Variants in FBN1 observed in about 807,000 individuals in gnomAD.
The protein encoded by FBN1 is fibrillin 1, also known as fibrillin-1.
In FBN1, 29 loss-of-function variants were observed where a neutral mutation model predicts 365.1. That is an observed-to-expected ratio of 0.08 (90% CI 0.06 to 0.11). The LOEUF is 0.11. Ranked by LOEUF, FBN1 falls within the 10% of genes least tolerant of loss-of-function variation. FBN1 has a pLI of 1.00. For synonymous variants in FBN1, 1,210 were observed against 1,270.5 expected (o/e 0.95, Z 1.01); for missense variants, 2,476 against 3,703.2 (o/e 0.67, Z 8.60).
At chr15:48,477,091 A>T (rs1597555828) in intron 32 of FBN1, among the ~76,000 whole-genome samples, 1 of 152,088 alleles carries the variant, frequency 6.6e-6, no homozygotes, top group African/African-American at 2.4e-5. Flanking sequence ...GTAATTCTGT[A>T]ATCTTTTTCT....
At chr15:48,493,413 A>T (rs1342020343) in intron 23 of FBN1, among the ~76,000 whole-genome samples, 2 of 152,226 alleles carry the variant, frequency 1.3e-5, no homozygotes, top group Admixed American at 1.3e-4. Flanking sequence ...TTGAAAAAAT[A>T]TTCTGAATCT....
intron 6 of FBN1, among the ~76,000 whole-genome samples, chr15:48,549,552 C>A (rs1348986143): frequency 1.2e-4 from 19 of 152,186 alleles, no homozygotes. Context: ...TACAGTAAAT[C>A]CCCTCTTCTG....
intron 12 of FBN1, among the ~76,000 whole-genome samples, chr15:48,514,451 T>C (rs1242830980): frequency 6.6e-6 from 1 of 152,214 alleles, no homozygotes; most frequent in Non-Finnish European, 1.5e-5. Flanking sequence ...GAACTCATCA[T>C]TTCTGACAAA....
intron 15 of FBN1, among the ~76,000 whole-genome samples, chr15:48,505,659 CACAGAAAAAGA>C (rs1357673651): frequency 1.3e-5 from 2 of 152,148 alleles, no homozygotes; most frequent in Non-Finnish European, 2.9e-5. Context: ...GATGGAACAC[CACAGAAAAAGA>C]ACAGAAAATG....
Position 48,411,015 on chromosome 15 carries a change from A to G in FBN1, c.8591T>C (p.Met2864Thr), listed in dbSNP as rs1060501028. Residue 2864 changes from methionine to threonine, a missense_variant, in exon 66 of 66, where the codon ATG becomes ACG. Physicochemically the swap from Met to Thr is moderately conservative, Grantham distance 81. Around this residue, in one of 5 missense-constraint regions of FBN1, gnomAD observed 177 missense variants for 192.7 expected, o/e 0.92. Transcript: ENST00000316623. ...TTAATGAAGCAAAACCTGGATTTTC[A>G]TCTTCAGATTATCACCCAGTTCACC... ...LSGELGDNLK[M>T]KIQVLLH 6.2e-7 allele frequency: 1 copy of G among 1,613,786 alleles called. No homozygotes were observed. Among genetic ancestry groups the G allele is most frequent in the Non-Finnish European group, 8.5e-7 (1 of 1,179,982 alleles).
chr15:48,628,641 C>T (rs1448112099), intron 2 of FBN1, among the ~76,000 whole-genome samples: 1 of 152,154 alleles, frequency 6.6e-6, no homozygotes, highest in African/African-American at 2.4e-5. Context: ...AATTTTTCTA[C>T]AACAAAGTCG....
chr15:48,521,280 A>G (rs1354209712), intron 9 of FBN1, among the ~76,000 whole-genome samples: 2 of 152,112 alleles, frequency 1.3e-5, no homozygotes, highest in Non-Finnish European at 2.9e-5. Flanking sequence ...GATCTTTCTT[A>G]TTTTCCAGTC....
chr15:48,426,298 ATAAG>A, intron 58 of FBN1, among the ~76,000 whole-genome samples: 1 of 152,322 alleles, frequency 6.6e-6, no homozygotes, highest in African/African-American at 2.4e-5. Context: ...CATGCTCAAA[ATAAG>A]TAAGGTTTTT....
At chr15:48,637,036 G>C (rs755907994) in intron 2 of FBN1, among the ~76,000 whole-genome samples, 2 of 152,148 alleles carry the variant, frequency 1.3e-5, no homozygotes, top group African/African-American at 4.8e-5. Flanking sequence ...TGGTAAGTTT[G>C]AATATATATG....
chr15:48,425,128 G>T (rs2042969173), intron 60 of FBN1, among the ~76,000 whole-genome samples: 1 of 152,236 alleles, frequency 6.6e-6, no homozygotes, highest in African/African-American at 2.4e-5. Flanking sequence ...GACAGTCATG[G>T]ATGGCCACCA....
At chr15:48,606,379 C>T (rs1339596569) in intron 4 of FBN1, among the ~76,000 whole-genome samples, 1 of 152,098 alleles carries the variant, frequency 6.6e-6, no homozygotes, top group African/African-American at 2.4e-5. Context: ...GTGGTACATC[C>T]ATAGCATGTA....
chr15:48,619,875 TA>T (rs67284014), intron 2 of FBN1, among the ~76,000 whole-genome samples: 16,029 of 142,294 alleles, frequency 0.11, 950 homozygotes, highest in Non-Finnish European at 0.14. Context: ...AAATAAAAGT[TA>T]AAAAAAAAAA....
At chr15:48,565,260 A>G (rs2044251782) in intron 6 of FBN1, among the ~76,000 whole-genome samples, 1 of 152,172 alleles carries the variant, frequency 6.6e-6, no homozygotes, top group African/African-American at 2.4e-5. Context: ...CCAGAGAGAA[A>G]TAAAGCTAGA....
At chr15:48,532,582 A>G (rs1000095554) in intron 8 of FBN1, among the ~76,000 whole-genome samples, 2 of 152,040 alleles carry the variant, frequency 1.3e-5, no homozygotes, top group Non-Finnish European at 2.9e-5. Flanking sequence ...AGGACAATGT[A>G]ATATGGCTCA....
chr15:48,519,793 T>C (rs1316205446), intron 10 of FBN1, among the ~76,000 whole-genome samples: 1 of 152,208 alleles, frequency 6.6e-6, no homozygotes, highest in Non-Finnish European at 1.5e-5. Flanking sequence ...ATTAAAAAGA[T>C]GAACTGGGAT....
At position 48,644,671 on chromosome 15, in the gene FBN1, G is replaced by T; in HGVS notation, c.99C>A (p.Asn33Lys). The T allele has an allele frequency of 6.2e-7, 1 of 1,613,656 alleles. No homozygotes were observed. The highest frequency in any genetic ancestry group is 8.5e-7 in the Non-Finnish European group (1 of 1,179,994). The change falls in exon 2 of 66, where the codon AAC becomes AAA. Residue 33 changes from asparagine (N) to lysine (K), a missense_variant. Asn to Lys is a moderately conservative substitution (Grantham distance 94). This residue lies in a region of FBN1 where 76 missense variants were observed against 85.4 expected (regional missense o/e 0.89). Transcript: ENST00000316623. ...HGADANLEAG[N>K]VKETRASRAK... ...CCCGACTGGCTCTGGTTTCCTTCACGTTCCCAGCCTCCAAATTGGCGTCCG... is the reference window on the plus strand; with the variant it reads ...CCCGACTGGCTCTGGTTTCCTTCACTTTCCCAGCCTCCAAATTGGCGTCCG...
At chr15:48,496,799 A>C (rs2043612114) in intron 19 of FBN1, among the ~76,000 whole-genome samples, 1 of 152,212 alleles carries the variant, frequency 6.6e-6, no homozygotes, top group Admixed American at 6.5e-5. Context: ...GCTTGCTTTT[A>C]GCTGAATAAT....
chr15:48,475,515 A>T (rs562384855), intron 32 of FBN1, among the ~76,000 whole-genome samples: 8 of 152,350 alleles, frequency 5.3e-5, no homozygotes, highest in African/African-American at 1.9e-4. Flanking sequence ...AGCCCATTCT[A>T]TAATGGGTTA....
chr15:48,424,082 T>C (rs756399224), intron 60 of FBN1, among the ~76,000 whole-genome samples: 6 of 152,222 alleles, frequency 3.9e-5, no homozygotes, highest in Non-Finnish European at 8.8e-5. Context: ...TATGAATAAA[T>C]TTATGGCTCT....
Sources: gnomAD v4.1 joint callset for allele counts (sites outside exome capture counted in the v4.1 genomes callset) on GRCh38, gnomAD v4.1.1 for gene constraint, gnomAD v4.1.1 regional missense constraint, MANE v1.5 for transcripts, NCBI Gene and HGNC (gene_info 2026-07-23, HGNC 2026-07-21) for gene names.